RAPGEF1: variants seen among roughly 807,000 people sequenced by gnomAD.
RAPGEF1 encodes the protein Rap guanine nucleotide exchange factor 1, also known as CRK SH3-binding GNRP.
In RAPGEF1, 33 loss-of-function variants were observed where a neutral mutation model predicts 143.3. The ratio of observed to expected loss-of-function variants is 0.23; its 90% CI spans 0.17 to 0.31. The LOEUF (loss-of-function observed/expected upper bound fraction) is 0.31. RAPGEF1 is among the 10% of genes least tolerant of loss of function. The pLI is 1.00. For synonymous variants in RAPGEF1, 629 were observed against 676.5 expected (o/e 0.93, Z 1.09); for missense variants, 1,199 against 1,645.4 (o/e 0.73, Z 4.69).
chr9:131,627,310 T>C (rs1588569441), intron 9 of RAPGEF1, among the ~76,000 whole-genome samples: 1 of 151,496 alleles, frequency 6.6e-6, no homozygotes, highest in Non-Finnish European at 1.5e-5. Flanking sequence ...TGATTTTTAA[T>C]AGCTACAGAT....
intron 25 of RAPGEF1, 139 bp from the exon 26 acceptor site, chr9:131,580,530 C>T: frequency 9.3e-7 from 1 of 1,077,156 alleles, no homozygotes; most frequent in Non-Finnish European, 1.3e-6. Flanking sequence ...TCTGAGGTGT[C>T]TGTTTCCCAG....
chr9:131,605,026 G>A lies in RAPGEF1; in HGVS notation c.2224C>T (p.Pro742Ser), dbSNP rs1956884888. 7.3e-7 allele frequency: 1 copy of A among 1,363,020 alleles called. No individual in the cohort carries two copies. Among genetic ancestry groups the A allele is most frequent in the Non-Finnish European group, 9.8e-7 (1 of 1,020,588 alleles). 84.4% of individuals were successfully genotyped at this position (1,363,020 alleles called of 1,614,324 possible). The change falls in exon 13 of 27, where the codon CCC becomes TCC. Residue 742 changes from proline (P) to serine (S), a missense_variant. Pro to Ser is a moderately conservative substitution (Grantham distance 74). Coordinates refer to ENST00000683357, the MANE Select transcript of RAPGEF1 (RefSeq NM_001377935.1). ...LAVPTMAGPP[P>S]STVDGPLSAS... ...GAGAGAGGCCCGTCCACGGTGCTGGGAGGTGGACCGGCCATGGTTGGCACG... is the reference window on the plus strand; with the variant it reads ...GAGAGAGGCCCGTCCACGGTGCTGGAAGGTGGACCGGCCATGGTTGGCACG...
At chr9:131,704,864 G>A (rs1182190013) in intron 1 of RAPGEF1, among the ~76,000 whole-genome samples, 1 of 152,162 alleles carries the variant, frequency 6.6e-6, no homozygotes, top group Non-Finnish European at 1.5e-5. Context: ...TTTCAGAGAA[G>A]TTCAATTTAG....
rs1431853696 is a variant in RAPGEF1, at chr9:131,602,093, G to A, written c.2469C>T (p.Val823=). 5.0e-6 allele frequency: 8 copies of A among 1,604,564 alleles called. No individual in the cohort carries two copies. The highest frequency in any genetic ancestry group is 6.8e-6 in the Non-Finnish European group (8 of 1,176,292). Residue 823 remains valine, a synonymous_variant, in exon 15 of 27, where the codon GTC becomes GTT. Coordinates refer to ENST00000683357, the MANE Select transcript of RAPGEF1 (RefSeq NM_001377935.1). ...HPRDPSAVSG[V]PGKDSRDGSE... ...TGCCGTCTCTGCTGTCCTTCCCAGG[G>A]ACGCCGCTGACCGCTGAGGGATCTC...
At chr9:131,607,366 C>T (rs572169529) in intron 12 of RAPGEF1, among the ~76,000 whole-genome samples, 150 of 152,338 alleles carry the variant, frequency 9.8e-4, no homozygotes, top group Admixed American at 7.1e-3. Context: ...AACACTTCAA[C>T]GTTTCACAGC....
rs952253506 is a variant in RAPGEF1, at chr9:131,666,452, T to A, written c.62-15503A>T. Among the ~76,000 whole-genome samples the A allele has an allele frequency of 2.0e-5, 3 of 151,984 alleles. No individual in the cohort carries two copies. In the East Asian group the frequency reaches 5.8e-4, roughly 29 times the overall value. ...CCCAGACTGGAGTGCAGTGGCAAGATCTCAGCTCACTGCAACCTCCACTTC... is the reference window on the plus strand; with the variant it reads ...CCCAGACTGGAGTGCAGTGGCAAGAACTCAGCTCACTGCAACCTCCACTTC... On this transcript the variant is annotated intron_variant, in intron 1 of 26. Coordinates refer to ENST00000683357, the MANE Select transcript of RAPGEF1 (RefSeq NM_001377935.1).
chr9:131,651,989 G>A (rs772972345), intron 1 of RAPGEF1, among the ~76,000 whole-genome samples: 2 of 152,076 alleles, frequency 1.3e-5, no homozygotes, highest in African/African-American at 2.4e-5. Context: ...AGAAAAGTAC[G>A]GTAAATGGTA....
chr9:131,664,485 A>C (rs1830110446), intron 1 of RAPGEF1, among the ~76,000 whole-genome samples: 1 of 152,112 alleles, frequency 6.6e-6, no homozygotes, highest in South Asian at 2.1e-4. Flanking sequence ...TAATACTGTT[A>C]TTTCTTACTG....
intron 12 of RAPGEF1, among the ~76,000 whole-genome samples, chr9:131,615,485 G>A (rs964390331): frequency 1.4e-4 from 21 of 152,322 alleles, no homozygotes; most frequent in African/African-American, 5.1e-4. Flanking sequence ...TGCAGGGGAC[G>A]GTTGGAGGGA....
intron 1 of RAPGEF1, among the ~76,000 whole-genome samples, chr9:131,734,315 C>T (rs1347033120): frequency 2.0e-5 from 3 of 152,306 alleles, no homozygotes; most frequent in Middle Eastern, 3.4e-3. Context: ...AGGGATACTC[C>T]GCCCTGCCCT....
chr9:131,611,713 ACT>A (rs1370385113), intron 12 of RAPGEF1, among the ~76,000 whole-genome samples: 1 of 152,172 alleles, frequency 6.6e-6, no homozygotes. Context: ...TCTAATTTAT[ACT>A]TATTCTTAGA....
chr9:131,656,004 T>C (rs1972380418), intron 1 of RAPGEF1, among the ~76,000 whole-genome samples: 1 of 152,196 alleles, frequency 6.6e-6, no homozygotes, highest in Non-Finnish European at 1.5e-5. Context: ...GAGATAACAT[T>C]ATATTTCTTG....
chr9:131,614,141 C>A (rs746757), intron 12 of RAPGEF1, among the ~76,000 whole-genome samples: 3 of 59,152 alleles, frequency 5.1e-5, no homozygotes, highest in Non-Finnish European at 1.6e-4. Context: ...TGCACCAACA[C>A]CCCCCCCCAA....
Position 131,628,090 on chromosome 9 carries a change from C to A in RAPGEF1, c.1024G>T (p.Asp342Tyr), listed in dbSNP as rs1329480257. Residue 342 changes from aspartate (D) to tyrosine (Y), a missense_variant, in exon 9 of 27, where the codon GAT becomes TAT. Asp to Tyr is a radical substitution (Grantham distance 160). This residue lies in a region of RAPGEF1 where 613 missense variants were observed against 710.9 expected (regional missense o/e 0.86). Coordinates refer to ENST00000683357, the MANE Select transcript of RAPGEF1 (RefSeq NM_001377935.1). The surrounding 1 kb of genome is among the most constrained non-coding windows in gnomAD (Gnocchi z 5.7). ...CGCCTCTGTGCGTAACAGTCAACAT[C>A]AAAATCCTCAAGTGGAAAAAGAAAA... ...LPVGINRQDF[D>Y]VDCYAQRRLS... The A allele has an allele frequency of 6.5e-7, 1 of 1,545,626 alleles. No individual in the cohort carries two copies. Among genetic ancestry groups the A allele is most frequent in the Admixed American group, 2.0e-5 (1 of 50,204 alleles).
At chr9:131,602,407 A>G (rs569796866) in intron 14 of RAPGEF1, among the ~76,000 whole-genome samples, 1 of 152,318 alleles carries the variant, frequency 6.6e-6, no homozygotes, top group East Asian at 1.9e-4. Flanking sequence ...AGCCACCTCA[A>G]CTACCTCCTC....
Position 131,739,790 on chromosome 9 carries a change from G to A in RAPGEF1, c.41C>T (p.Ser14Phe). 8.5e-7 allele frequency: 1 copy of A among 1,171,402 alleles called. No individual in the cohort carries two copies. The highest frequency in any genetic ancestry group is 1.1e-6 in the Non-Finnish European group (1 of 930,818). The allele number at this position is 1,171,402 out of a possible 1,614,324, so 72.6% of individuals were successfully genotyped here. Residue 14 changes from serine (S) to phenylalanine (F), a missense_variant, in exon 1 of 27, where the codon TCC becomes TTC. This residue lies in a region of RAPGEF1 where 613 missense variants were observed against 710.9 expected (regional missense o/e 0.86). Coordinates refer to ENST00000683357, the MANE Select transcript of RAPGEF1 (RefSeq NM_001377935.1). ...GLGLRRSPEM[S>F]GKIEKADSQR... ...CTCACCTGCTTTCTCGATCTTGCCG[G>A]ACATTTCCGGGCTGCGCCGGAGGCC...
intron 5 of RAPGEF1, among the ~76,000 whole-genome samples, chr9:131,630,970 A>AT: frequency 6.6e-6 from 1 of 151,868 alleles, no homozygotes; most frequent in Non-Finnish European, 1.5e-5. Context: ...ATTAGAATGC[A>AT]TTTTTTCCCA....
At chr9:131,657,304 C>G (rs2133570130) in intron 1 of RAPGEF1, among the ~76,000 whole-genome samples, 1 of 152,304 alleles carries the variant, frequency 6.6e-6, no homozygotes, top group African/African-American at 2.4e-5. Context: ...CGTCAATCAT[C>G]TGGGATGGAG....
chr9:131,682,627 G>A (rs190665321), intron 1 of RAPGEF1, among the ~76,000 whole-genome samples: 3 of 152,332 alleles, frequency 2.0e-5, no homozygotes, highest in Non-Finnish European at 2.9e-5. Context: ...CTGGACAGCA[G>A]AGCCAGGAGA....
Sources: gnomAD v4.1 joint callset for allele counts (sites outside exome capture counted in the v4.1 genomes callset) on GRCh38, gnomAD v4.1.1 for gene constraint, gnomAD v4.1.1 regional missense constraint, Gnocchi (gnomAD v3.1) non-coding constraint, MANE v1.5 for transcripts, NCBI Gene and HGNC (gene_info 2026-07-23, HGNC 2026-07-21) for gene names.